The following TTC28 variants were observed in gnomAD, a reference collection of about 807,000 sequenced individuals.
TTC28 encodes the protein tetratricopeptide repeat domain 28.
TTC28 carries 61 observed loss-of-function variants against 198.0 expected under a neutral mutation model. The observed-to-expected ratio is 0.31, with a 90% CI of 0.25 to 0.38. The LOEUF is 0.38. Ranked by LOEUF, TTC28 falls within the 10% of genes least tolerant of loss-of-function variation. TTC28 has a pLI of 1.00. For synonymous variants in TTC28, 1,171 were observed against 1,297.8 expected (o/e 0.90, Z 2.10); for missense variants, 2,678 against 3,164.0 (o/e 0.85, Z 3.69).
At chr22:28,382,418 T>A (rs962828177) in intron 2 of TTC28, among the ~76,000 whole-genome samples, 1 of 152,170 alleles carries the variant, frequency 6.6e-6, no homozygotes, top group African/African-American at 2.4e-5. Flanking sequence ...CTGATATAAA[T>A]GAAGCACAGC....
chr22:28,140,428 G>A (rs367947981), intron 6 of TTC28, among the ~76,000 whole-genome samples: 1 of 152,270 alleles, frequency 6.6e-6, no homozygotes, highest in East Asian at 1.9e-4. Context: ...TGACAGCAAC[G>A]CTGTCCACAT....
intron 5 of TTC28, among the ~76,000 whole-genome samples, chr22:28,233,222 A>G (rs1928953589): frequency 6.6e-6 from 1 of 152,144 alleles, no homozygotes; most frequent in Admixed American, 6.5e-5. Flanking sequence ...TAATTTTTTT[A>G]AAAATCAAGT....
At chr22:28,176,092 C>T (rs1923140026) in intron 5 of TTC28, among the ~76,000 whole-genome samples, 1 of 152,128 alleles carries the variant, frequency 6.6e-6, no homozygotes, top group African/African-American at 2.4e-5. Context: ...ATCAGTATGT[C>T]AAGGAGATTA....
chr22:28,071,640 G>A (rs1401236409), intron 12 of TTC28, among the ~76,000 whole-genome samples: 2 of 144,746 alleles, frequency 1.4e-5, no homozygotes, highest in Non-Finnish European at 3.0e-5. Flanking sequence ...GCTAGATGAC[G>A]AGTTAGTGGG....
chr22:28,491,445 C>T (rs956331900), intron 2 of TTC28, among the ~76,000 whole-genome samples: 4 of 152,168 alleles, frequency 2.6e-5, no homozygotes, highest in South Asian at 2.1e-4. Flanking sequence ...AACAAGTGGG[C>T]GAAGGATATG....
At chr22:28,606,140 A>G (rs1034589712) in intron 2 of TTC28, among the ~76,000 whole-genome samples, 5 of 151,584 alleles carry the variant, frequency 3.3e-5, no homozygotes, top group African/African-American at 1.2e-4. Flanking sequence ...CTGGAGTGCA[A>G]TGGCACGATC....
At chr22:28,455,757 C>T (rs767810312) in intron 2 of TTC28, among the ~76,000 whole-genome samples, 12 of 151,300 alleles carry the variant, frequency 7.9e-5, no homozygotes, top group Non-Finnish European at 1.2e-4. Context: ...ATGTTCCCTT[C>T]ATTGGGTTGA....
intron 2 of TTC28, among the ~76,000 whole-genome samples, chr22:28,330,602 G>C (rs1208645330): frequency 6.6e-6 from 1 of 151,946 alleles, no homozygotes; most frequent in African/African-American, 2.4e-5. Flanking sequence ...ATTATTTGTT[G>C]ACAAGTTTTA....
chr22:28,478,877 C>A (rs892287988), intron 2 of TTC28, among the ~76,000 whole-genome samples: 1 of 152,212 alleles, frequency 6.6e-6, no homozygotes, highest in Non-Finnish European at 1.5e-5. Flanking sequence ...CCCCAAGTCA[C>A]TCTTCTACCA....
rs1024446577 is a variant in TTC28, at chr22:27,983,725, C to T, written c.5942G>A (p.Gly1981Asp). The T allele has an allele frequency of 6.4e-7, 1 of 1,551,404 alleles. No homozygotes were observed. The highest frequency in any genetic ancestry group is 1.4e-5 in the African/African-American group (1 of 73,110). ...GGCATCTGAGGCGATGCTGTCCGCACCGGTGGGAGAGAAGGGGGGTTGCTG... is the reference window on the plus strand; with the variant it reads ...GGCATCTGAGGCGATGCTGTCCGCATCGGTGGGAGAGAAGGGGGGTTGCTG... ...GYQQPPFSPT[G>D]ADSIASDAIS... Residue 1981 changes from glycine to aspartate, a missense_variant, in exon 23 of 23, where the codon GGT becomes GAT. Gly to Asp is a moderately conservative substitution (Grantham distance 94). Transcript: ENST00000397906.
chr22:28,392,469 G>T (rs1343136695), intron 2 of TTC28, among the ~76,000 whole-genome samples: 1 of 152,226 alleles, frequency 6.6e-6, no homozygotes, highest in Non-Finnish European at 1.5e-5. Flanking sequence ...TTTGATCTCA[G>T]ACTGCTGTGC....
chr22:28,435,594 C>A (rs527328189), intron 2 of TTC28, among the ~76,000 whole-genome samples: 1 of 152,318 alleles, frequency 6.6e-6, no homozygotes, highest in African/African-American at 2.4e-5. Context: ...GACTGACTAG[C>A]AAAATGAAGG....
chr22:28,654,626 C>T (rs2051615516), intron 1 of TTC28, among the ~76,000 whole-genome samples: 1 of 152,174 alleles, frequency 6.6e-6, no homozygotes, highest in East Asian at 1.9e-4. Flanking sequence ...CCATGCCTGG[C>T]CTTAAAATAA....
At chr22:28,059,182 CATA>C (rs924894747) in intron 12 of TTC28, among the ~76,000 whole-genome samples, 7 of 151,940 alleles carry the variant, frequency 4.6e-5, no homozygotes, top group African/African-American at 7.2e-5. Context: ...CTTCTTTAGG[CATA>C]ATCTTATATC....
chr22:27,985,361 A>G lies in TTC28; in HGVS notation c.5708-5T>C, dbSNP rs1937174340. 1.9e-6 allele frequency: 3 copies of G among 1,548,058 alleles called. No homozygotes were observed. The highest frequency in any genetic ancestry group is 2.6e-6 in the Non-Finnish European group (3 of 1,143,974). Reference sequence around the variant, plus strand: ...CAACTTCACAGAGATCAAAACCTAGAGGAACAAAGAATATAAGCATCTGCT... The same window carrying G: ...CAACTTCACAGAGATCAAAACCTAGGGGAACAAAGAATATAAGCATCTGCT... On this transcript the variant is annotated splice_region_variant and splice_polypyrimidine_tract_variant and intron_variant, in intron 21 of 22. Coordinates refer to ENST00000397906, the MANE Select transcript of TTC28 (RefSeq NM_001145418.2).
chr22:28,462,969 G>C (rs6005787), intron 2 of TTC28, among the ~76,000 whole-genome samples: 93 of 152,072 alleles, frequency 6.1e-4, no homozygotes, highest in African/African-American at 2.1e-3. Flanking sequence ...GCAGAAAGAG[G>C]GACAACAGTA....
chr22:28,131,902 TC>T (rs1313155019), intron 6 of TTC28, among the ~76,000 whole-genome samples: 1 of 152,206 alleles, frequency 6.6e-6, no homozygotes, highest in Non-Finnish European at 1.5e-5. Flanking sequence ...ATGATTATTT[TC>T]TTCTGCCCTT....
chr22:28,448,428 T>C (rs996479146), intron 2 of TTC28, among the ~76,000 whole-genome samples: 1 of 152,222 alleles, frequency 6.6e-6, no homozygotes, highest in African/African-American at 2.4e-5. Context: ...TACTTATTTA[T>C]ATTTATTGTG....
chr22:28,230,015 G>A (rs939441664), intron 5 of TTC28, among the ~76,000 whole-genome samples: 1 of 152,164 alleles, frequency 6.6e-6, no homozygotes, highest in African/African-American at 2.4e-5. Flanking sequence ...TATTTGAATA[G>A]TGGGAACCTG....
Sources: allele counts gnomAD v4.1 joint callset (sites outside exome capture counted in the v4.1 genomes callset), GRCh38; gene constraint gnomAD v4.1.1; transcripts MANE v1.5; gene names NCBI Gene and HGNC (gene_info 2026-07-23, HGNC 2026-07-21).